Variants in MSTN observed in about 807,000 individuals in gnomAD.
MSTN encodes the protein growth/differentiation factor 8.
In MSTN, 12 loss-of-function variants were observed where a neutral mutation model predicts 32.3. That is an observed-to-expected ratio of 0.37 (90% CI 0.24 to 0.60). The LOEUF (loss-of-function observed/expected upper bound fraction) is 0.60. MSTN is among the 20% of genes least tolerant of loss of function. The pLI is 0.67. For missense variants in MSTN, 403 were observed against 450.3 expected (o/e 0.89, Z 0.95); for synonymous variants, 168 against 155.1 (o/e 1.08, Z -0.62).
At position 190,060,566 on chromosome 2, in the gene MSTN, G is replaced by A. The variant is rs760227704; in HGVS notation, c.374-131C>T. 39 of 779,192 alleles carry A rather than the reference G, an allele frequency of 5.0e-5. 1 individual carries two copies. The highest frequency in any genetic ancestry group is 1.4e-4 in the East Asian group (5 of 36,766). The allele number at this position is 779,192 out of a possible 1,614,324, so 48.3% of individuals were successfully genotyped here. On this transcript the variant is annotated intron_variant, in intron 1 of 2. Transcript: ENST00000260950. ...ATGCAGTCTTTTAAAATGAAATACCGTGTGGAACTTTATAACTCAAAAAAA... is the reference window on the plus strand; with the variant it reads ...ATGCAGTCTTTTAAAATGAAATACCATGTGGAACTTTATAACTCAAAAAAA...
chr2:190,061,832 GTTA>G (rs1342513275), intron 1 of MSTN, among the ~76,000 whole-genome samples: 2 of 147,834 alleles, frequency 1.4e-5, no homozygotes, highest in African/African-American at 2.5e-5. Context: ...TTTTTTTTCT[GTTA>G]TTAGTGAAAA....
Position 190,062,252 on chromosome 2 carries a change from C to A in MSTN, c.345G>T (p.Thr115=), listed in dbSNP as rs1366600922. 6.2e-7 allele frequency: 1 copy of A among 1,612,814 alleles called. No homozygotes were observed. The highest frequency in any genetic ancestry group is 8.5e-7 in the Non-Finnish European group (1 of 1,179,178). The part of the protein sequence containing the change: ...SLEDDDYHAT[T]ETIITMPTES... ...CTGTAGGCATGGTAATGATTGTTTC[C>A]GTTGTAGCGTGATAATCGTCATCTT... Residue 115 remains threonine, a synonymous_variant, in exon 1 of 3, where the codon ACG becomes ACT. Coordinates refer to ENST00000260950, the MANE Select transcript of MSTN (RefSeq NM_005259.3).
chr2:190,060,379 A>C lies in MSTN; in HGVS notation c.430T>G (p.Ser144Ala). The change falls in exon 2 of 3, where the codon TCT (serine) becomes GCT (alanine). Residue 144 changes from serine to alanine, a missense_variant. Coordinates refer to ENST00000260950, the MANE Select transcript of MSTN (RefSeq NM_005259.3). ...ACTACTTTATTGTATTGTATTTTAG[A>C]GCTAAATTTAAAGAAGCAACATTTG... ...KPKCCFFKFS[S>A]KIQYNKVVKA... is the part of the protein sequence containing the mutation. 6.2e-7 allele frequency: 1 copy of C among 1,611,368 alleles called. No individual in the cohort carries two copies. The highest frequency in any genetic ancestry group is 8.5e-7 in the Non-Finnish European group (1 of 1,178,746).
intron 1 of MSTN, among the ~76,000 whole-genome samples, chr2:190,060,905 CT>C (rs779495253): frequency 2.6e-5 from 4 of 151,982 alleles, no homozygotes; most frequent in Non-Finnish European, 5.9e-5. Flanking sequence ...GAGCAACTTA[CT>C]GAGCCTCAGG....
In MSTN at chr2:190,057,102, T is replaced by A; in HGVS notation, c.*156A>T. On this transcript the variant is annotated 3_prime_UTR_variant, in exon 3 of 3. Coordinates refer to ENST00000260950, the MANE Select transcript of MSTN (RefSeq NM_005259.3). Reference sequence around the variant, plus strand: ...GGATGGTTAAATGCCAACCATTGCATATATTCCCCCTTTTAGTTTACATAC... The same window carrying A: ...GGATGGTTAAATGCCAACCATTGCAAATATTCCCCCTTTTAGTTTACATAC... 1.4e-6 allele frequency: 1 copy of A among 723,170 alleles called. No individual in the cohort carries two copies. The highest frequency in any genetic ancestry group is 2.3e-6 in the Non-Finnish European group (1 of 444,432). 44.8% of individuals were successfully genotyped at this position (723,170 alleles called of 1,614,324 possible).
chr2:190,060,376 T>C lies in MSTN; in HGVS notation c.433A>G (p.Lys145Glu). The stretch of plus-strand genomic sequence containing the variant: ...TTTACTACTTTATTGTATTGTATTT[T>C]AGAGCTAAATTTAAAGAAGCAACAT... ...PKCCFFKFSS[K>E]IQYNKVVKAQ... Residue 145 changes from lysine to glutamate, a missense_variant, in exon 2 of 3, where the codon AAA (lysine) becomes GAA (glutamate). By Grantham distance (56) the Lys-to-Glu change is moderately conservative. Transcript: ENST00000260950. 2 of 1,611,638 alleles carry C rather than the reference T, an allele frequency of 1.2e-6. No homozygotes were observed. Among genetic ancestry groups the C allele is most frequent in the Non-Finnish European group, 1.7e-6 (2 of 1,178,832 alleles).
At position 190,062,462 on chromosome 2, in the gene MSTN, T is replaced by A. The variant is rs1685624484; in HGVS notation, c.135A>T (p.Arg45Ser). The A allele has an allele frequency of 1.2e-6, 2 of 1,613,408 alleles. No individual in the cohort carries two copies. The highest frequency in any genetic ancestry group is 3.3e-5 in the Admixed American group (2 of 59,924). ...CTATTCTTGAAGATTTAGTGTTTTG[T>A]CTCCAAGTACATGCATTACACAGCC... ...KEGLCNACTW[R>S]QNTKSSRIEA... The change falls in exon 1 of 3, where the codon AGA becomes AGT. Residue 45 changes from arginine (R) to serine (S), a missense_variant. Coordinates refer to ENST00000260950, the MANE Select transcript of MSTN (RefSeq NM_005259.3).
Position 190,062,143 on chromosome 2 carries a change from G to A in MSTN, c.373+81C>T, listed in dbSNP as rs1210463488. 3.3e-6 allele frequency: 5 copies of A among 1,499,108 alleles called. No homozygotes were observed. In the African/African-American group the frequency reaches 5.5e-5, roughly 17 times the overall value. 92.9% of individuals were successfully genotyped at this position (1,499,108 alleles called of 1,614,324 possible). On this transcript the variant is annotated intron_variant, in intron 1 of 2. Coordinates refer to ENST00000260950, the MANE Select transcript of MSTN (RefSeq NM_005259.3). ...ACAGGCCAACAGCTTGTTTAAAAGA[G>A]CCTGAAAATAGATCTGTTTCTCATA... is the stretch of plus-strand genomic sequence containing the variant.
rs750936563 is a variant in MSTN at position 190,057,223 on chromosome 2, A to G, written c.*35T>C. On this transcript the variant is annotated 3_prime_UTR_variant, in exon 3 of 3. Coordinates refer to ENST00000260950, the MANE Select transcript of MSTN (RefSeq NM_005259.3). ...AAAATTGTTGAGGGGAAAACCTTCCATGTTTTAGGAAGTTATGAACGCTTA... is the reference window on the plus strand; with the variant it reads ...AAAATTGTTGAGGGGAAAACCTTCCGTGTTTTAGGAAGTTATGAACGCTTA... 6 of 1,611,750 alleles carry G rather than the reference A, an allele frequency of 3.7e-6. No homozygotes were observed. The highest frequency in any genetic ancestry group is 5.1e-6 in the Non-Finnish European group (6 of 1,178,452).
intron 2 of MSTN, among the ~76,000 whole-genome samples, chr2:190,058,618 C>T (rs7596995): frequency 0.024 from 3,670 of 151,756 alleles, 157 homozygotes; most frequent in East Asian, 0.17. Flanking sequence ...TGCCCATCAG[C>T]GGATGAATGG....
At chr2:190,057,880 TA>T (rs1428506235) in intron 2 of MSTN, among the ~76,000 whole-genome samples, 1 of 152,056 alleles carries the variant, frequency 6.6e-6, no homozygotes, top group Non-Finnish European at 1.5e-5. Context: ...TTTTAAGTTT[TA>T]TTTTTCCAAG....
intron 2 of MSTN, among the ~76,000 whole-genome samples, chr2:190,059,598 A>C (rs1685536379): frequency 6.6e-6 from 1 of 152,000 alleles, no homozygotes; most frequent in African/African-American, 2.4e-5. Flanking sequence ...CTCTGAATAA[A>C]ACATTTAATT....
chr2:190,060,155 T>C lies in MSTN; in HGVS notation c.654A>G (p.Gln218=). The C allele has an allele frequency of 1.2e-6, 2 of 1,613,022 alleles. No homozygotes were observed. The highest frequency in any genetic ancestry group is 8.5e-7 in the Non-Finnish European group (1 of 1,179,246). Reference sequence around the variant, plus strand: ...TTTCAATGCCTAAGTTGGATTCAGGTTGTTTGAGCCAATTTTGCAACACTG... The same window carrying C: ...TTTCAATGCCTAAGTTGGATTCAGGCTGTTTGAGCCAATTTTGCAACACTG... ...VKTVLQNWLK[Q]PESNLGIEIK... Residue 218 remains glutamine, a synonymous_variant, in exon 2 of 3, where the codon CAA becomes CAG. Coordinates refer to ENST00000260950, the MANE Select transcript of MSTN (RefSeq NM_005259.3).
rs2105755866 is a variant in MSTN at position 190,062,675 on chromosome 2, G to A, written c.-79C>T. On this transcript the variant is annotated 5_prime_UTR_variant, in exon 1 of 3. Coordinates refer to ENST00000260950, the MANE Select transcript of MSTN (RefSeq NM_005259.3). ...TTCTTTTGCTTTTGAGTAATGCCAA[G>A]CAAAATTTTAATGCATGTACAGTCT... The A allele has an allele frequency of 7.0e-7, 1 of 1,436,880 alleles. No homozygotes were observed. Among genetic ancestry groups the A allele is most frequent in the African/African-American group, 1.4e-5 (1 of 70,314 alleles). The allele number at this position is 1,436,880 out of a possible 1,614,324, so 89.0% of individuals were successfully genotyped here. A position where few individuals can be genotyped will look rare whatever the true frequency, so the allele number is the denominator to read the frequency against.
At chr2:190,059,830 A>G (rs942956490) in intron 2 of MSTN, among the ~76,000 whole-genome samples, 11 of 151,952 alleles carry the variant, frequency 7.2e-5, no homozygotes, top group Non-Finnish European at 5.9e-5. Flanking sequence ...GTTAAGAAGT[A>G]TGGTATAATT....
At position 190,057,031 on chromosome 2, in the gene MSTN, G is replaced by C. The variant is rs56124807; in HGVS notation, c.*227C>G. Reference sequence around the variant, plus strand: ...ATAAATGTAATTTGATCTCCTTCTAGCTCAAAAACTCTGGAAATCATAAAA... The same window carrying C: ...ATAAATGTAATTTGATCTCCTTCTACCTCAAAAACTCTGGAAATCATAAAA... On this transcript the variant is annotated 3_prime_UTR_variant, in exon 3 of 3. Transcript: ENST00000260950. 4.7e-5 allele frequency: 25 copies of C among 528,222 alleles called. No individual in the cohort carries two copies. The highest frequency in any genetic ancestry group is 2.5e-4 in the South Asian group (10 of 40,298). 32.7% of individuals were successfully genotyped at this position (528,222 alleles called of 1,614,324 possible).
Position 190,062,688 on chromosome 2 carries a change from G to A in MSTN, c.-92C>T, listed in dbSNP as rs1287261923. The A allele has an allele frequency of 4.8e-6, 6 of 1,243,188 alleles. No homozygotes were observed. The Admixed American group carries it at 6.2e-5, about 13-fold the overall frequency. 77.0% of individuals were successfully genotyped at this position (1,243,188 alleles called of 1,614,324 possible). ...GAGTAATGCCAAGCAAAATTTTAAT[G>A]CATGTACAGTCTGAGAGACAACTTG... On this transcript the variant is annotated 5_prime_UTR_variant, in exon 1 of 3. Coordinates refer to ENST00000260950, the MANE Select transcript of MSTN (RefSeq NM_005259.3).
In MSTN at chr2:190,060,264, T is replaced by C. The variant is rs1473134460; in HGVS notation, c.545A>G (p.Asp182Gly). The change falls in exon 2 of 3, where the codon GAC becomes GGC. Residue 182 changes from aspartate (D) to glycine (G), a missense_variant. Coordinates refer to ENST00000260950, the MANE Select transcript of MSTN (RefSeq NM_005259.3). ...TCGGATTCCAGTATACCTTGTACCG[T>C]CTTTCATAGGTTTGATGAGTCTCAG... Reference protein sequence around the residue: ...QILRLIKPMKDGTRYTGIRSL... With the variant: ...QILRLIKPMKGGTRYTGIRSL... 5.6e-6 allele frequency: 9 copies of C among 1,613,152 alleles called. No individual in the cohort carries two copies. The highest frequency in any genetic ancestry group is 2.2e-5 in the East Asian group (1 of 44,862).
At chr2:190,058,929 G>T (rs190133755) in intron 2 of MSTN, among the ~76,000 whole-genome samples, 82 of 151,704 alleles carry the variant, frequency 5.4e-4, no homozygotes, top group African/African-American at 1.9e-3. Context: ...CTTCACCACT[G>T]TACAATTCAT....
Sources: allele counts gnomAD v4.1 joint callset (sites outside exome capture counted in the v4.1 genomes callset), GRCh38; gene constraint gnomAD v4.1.1; transcripts MANE v1.5; gene names NCBI Gene and HGNC (gene_info 2026-07-23, HGNC 2026-07-21).